The following NETO1 variants were observed in gnomAD, a reference collection of about 807,000 sequenced individuals.
The protein encoded by NETO1 is neuropilin and tolloid-like protein 1.
In NETO1, 26 loss-of-function variants were observed where a neutral mutation model predicts 61.3. The observed-to-expected ratio is 0.42, with a 90% CI of 0.31 to 0.59. The LOEUF (loss-of-function observed/expected upper bound fraction) is 0.59, where lower values mean the gene tolerates loss of function less well. NETO1 is among the 20% of genes least tolerant of loss of function. NETO1 has a pLI of 0.12. For synonymous variants in NETO1, 225 were observed against 225.8 expected (o/e 1.00, Z 0.03); for missense variants, 531 against 662.8 (o/e 0.80, Z 2.18).
chr18:72,805,235 C>A (rs868569932), intron 4 of NETO1, among the ~76,000 whole-genome samples: 1 of 152,090 alleles, frequency 6.6e-6, no homozygotes, highest in Non-Finnish European at 1.5e-5. Flanking sequence ...ACTTTAGAAT[C>A]AATTTGTATT....
At chr18:72,847,646 T>C (rs1187709570) in intron 4 of NETO1, among the ~76,000 whole-genome samples, 1 of 152,206 alleles carries the variant, frequency 6.6e-6, no homozygotes, top group Admixed American at 6.5e-5. Context: ...TATAAAAAGA[T>C]ATACACATAC....
chr18:72,833,321 A>G (rs1293510344), intron 4 of NETO1, among the ~76,000 whole-genome samples: 1 of 152,138 alleles, frequency 6.6e-6, no homozygotes, highest in Non-Finnish European at 1.5e-5. Context: ...CTTGAATGCT[A>G]ATATTTCAAG....
intron 7 of NETO1, among the ~76,000 whole-genome samples, chr18:72,769,666 ATATG>A (rs916717656): frequency 2.6e-5 from 4 of 152,146 alleles, no homozygotes; most frequent in African/African-American, 2.4e-5. Context: ...TCTTTTACAT[ATATG>A]TATTACATAT....
chr18:72,849,805 C>A (rs578198067), intron 4 of NETO1, among the ~76,000 whole-genome samples: 2 of 152,252 alleles, frequency 1.3e-5, no homozygotes, highest in South Asian at 4.1e-4. Context: ...TGTTCCTTTC[C>A]TTGGAGGCTG....
At chr18:72,796,534 C>G (rs943852107) in intron 4 of NETO1, among the ~76,000 whole-genome samples, 7 of 152,024 alleles carry the variant, frequency 4.6e-5, no homozygotes, top group Non-Finnish European at 8.8e-5. Flanking sequence ...CAGGCTGGAG[C>G]GCAGTGATCT....
At chr18:72,819,690 T>C (rs963982482) in intron 4 of NETO1, among the ~76,000 whole-genome samples, 5 of 152,128 alleles carry the variant, frequency 3.3e-5, no homozygotes, top group East Asian at 1.9e-4. Flanking sequence ...AAATTTGTTA[T>C]TGGAAACTTT....
intron 4 of NETO1, among the ~76,000 whole-genome samples, chr18:72,807,747 CACACA>C (rs2072724023): frequency 6.5e-5 from 3 of 46,248 alleles, no homozygotes; most frequent in African/African-American, 1.1e-4. Flanking sequence ...CACACACACA[CACACA>C]CACCCATACT....
chr18:72,798,704 A>G (rs1442762330), intron 4 of NETO1, among the ~76,000 whole-genome samples: 1 of 152,208 alleles, frequency 6.6e-6, no homozygotes. Context: ...AAATGAGTAA[A>G]AATCAAATGT....
chr18:72,764,127 A>G (rs1203257326), intron 7 of NETO1, among the ~76,000 whole-genome samples: 1 of 152,166 alleles, frequency 6.6e-6, no homozygotes, highest in Non-Finnish European at 1.5e-5. Flanking sequence ...ATTCAAGGTG[A>G]AATTTGGGTG....
At chr18:72,814,251 C>T (rs2072958112) in intron 4 of NETO1, among the ~76,000 whole-genome samples, 1 of 152,028 alleles carries the variant, frequency 6.6e-6, no homozygotes, top group South Asian at 2.1e-4. Flanking sequence ...GCAAAAATAA[C>T]AGATAAATCA....
At chr18:72,766,939 C>T (rs574791065) in intron 7 of NETO1, among the ~76,000 whole-genome samples, 1 of 152,302 alleles carries the variant, frequency 6.6e-6, no homozygotes, top group South Asian at 2.1e-4. Flanking sequence ...TGTAGTTAGA[C>T]ATTACAATTA....
chr18:72,820,599 A>G (rs2073162238), intron 4 of NETO1, among the ~76,000 whole-genome samples: 1 of 152,212 alleles, frequency 6.6e-6, no homozygotes, highest in East Asian at 1.9e-4. Flanking sequence ...TGATCTCTGG[A>G]CCTGTACCCA....
intron 4 of NETO1, among the ~76,000 whole-genome samples, chr18:72,795,465 C>T (rs1314346989): frequency 6.6e-6 from 1 of 152,068 alleles, no homozygotes; most frequent in Non-Finnish European, 1.5e-5. Flanking sequence ...TTATTTGATG[C>T]ACATATATTC....
chr18:72,769,669 T>C (rs1251247407), intron 7 of NETO1, among the ~76,000 whole-genome samples: 1 of 152,176 alleles, frequency 6.6e-6, no homozygotes, highest in Admixed American at 6.5e-5. Flanking sequence ...TTTACATATA[T>C]GTATTACATA....
intron 4 of NETO1, among the ~76,000 whole-genome samples, chr18:72,857,176 A>G (rs1054040954): frequency 2.6e-5 from 4 of 152,210 alleles, no homozygotes; most frequent in African/African-American, 9.6e-5. Context: ...AGTTGATCTG[A>G]GTAAAAACAG....
intron 4 of NETO1, among the ~76,000 whole-genome samples, chr18:72,819,837 T>C (rs975079555): frequency 2.0e-5 from 3 of 152,140 alleles, no homozygotes; most frequent in Non-Finnish European, 4.4e-5. Flanking sequence ...CATAAAATAA[T>C]GTTAATTTAT....
At chr18:72,864,026 C>A (rs969041104) in intron 3 of NETO1, among the ~76,000 whole-genome samples, 1 of 152,110 alleles carries the variant, frequency 6.6e-6, no homozygotes, top group Non-Finnish European at 1.5e-5. Flanking sequence ...TTGAGACCAG[C>A]TGGCCAACAT....
At position 72,752,342 on chromosome 18, in the gene NETO1, A is replaced by G. The variant is rs576968668; in HGVS notation, c.983-1722T>C. 2.0e-5 allele frequency among the ~76,000 whole-genome samples: 3 copies of G among 152,296 alleles called. No homozygotes were observed. In the South Asian group the frequency reaches 6.2e-4, roughly 32 times the overall value. On this transcript the variant is annotated intron_variant, in intron 8 of 10. Coordinates refer to ENST00000327305, the MANE Select transcript of NETO1 (RefSeq NM_138966.5). ...GTGGAGACTAACAACTGGCTGCAAT[A>G]CCAACAGAGGTGATAGCTAAATAGA...
chr18:72,855,348 C>T (rs2074384142), intron 4 of NETO1, among the ~76,000 whole-genome samples: 1 of 152,208 alleles, frequency 6.6e-6, no homozygotes, highest in African/African-American at 2.4e-5. Context: ...TTGATTACTG[C>T]TCAATCTCAC....
Sources: allele counts gnomAD v4.1 joint callset (sites outside exome capture counted in the v4.1 genomes callset), GRCh38; gene constraint gnomAD v4.1.1; transcripts MANE v1.5; gene names NCBI Gene and HGNC (gene_info 2026-07-23, HGNC 2026-07-21).